The following MYO5B variants were observed in gnomAD, a reference collection of about 807,000 sequenced individuals.
MYO5B encodes unconventional myosin-Vb.
Under a neutral mutation model 229.3 loss-of-function variants are expected in MYO5B, and 143 were observed. The observed-to-expected ratio is 0.62, with a 90% CI of 0.54 to 0.72. The LOEUF (loss-of-function observed/expected upper bound fraction) is 0.72. MYO5B is among the 30% of genes least tolerant of loss of function. The probability of loss-of-function intolerance (pLI) is 0.00; values close to 1 mark genes in which losing one functional copy is unlikely to be tolerated. For missense variants in MYO5B, 2,321 were observed against 2,331.0 expected (o/e 1.00, Z 0.09); for synonymous variants, 918 against 885.2 (o/e 1.04, Z -0.66).
At chr18:49,875,936 T>C in intron 25 of MYO5B, 109 bp from the exon 26 acceptor site, 1 of 1,262,574 alleles carries the variant, frequency 7.9e-7, no homozygotes, top group Non-Finnish European at 1.1e-6. Flanking sequence ...TCCTCTCTCC[T>C]CCCAAACATC....
chr18:50,037,150 T>G (rs1212533304), intron 3 of MYO5B, among the ~76,000 whole-genome samples, 156 bp from the exon 4 acceptor site: 2 of 152,020 alleles, frequency 1.3e-5, no homozygotes, highest in East Asian at 3.9e-4. Context: ...TCAAGGCTCA[T>G]CTGTGTGCTT....
At chr18:50,162,853 T>TG (rs1599069447) in intron 1 of MYO5B, among the ~76,000 whole-genome samples, 1 of 152,202 alleles carries the variant, frequency 6.6e-6, no homozygotes, top group East Asian at 1.9e-4. Flanking sequence ...ACCTCACAGC[T>TG]GATGCCTCCC....
chr18:49,933,366 C>T (rs752852925), intron 16 of MYO5B, among the ~76,000 whole-genome samples: 2 of 152,220 alleles, frequency 1.3e-5, no homozygotes, highest in Non-Finnish European at 2.9e-5. Flanking sequence ...TGTGGCATTG[C>T]CAGTTACTTG....
chr18:50,040,059 G>A (rs1430493681), intron 3 of MYO5B, 84 bp downstream of exon 3: 3 of 1,403,112 alleles, frequency 2.1e-6, no homozygotes, highest in Non-Finnish European at 3.0e-6. Flanking sequence ...AGTGAAATGA[G>A]GACTCCTAAG....
intron 4 of MYO5B, among the ~76,000 whole-genome samples, chr18:50,004,839 A>C (rs2026084431): frequency 6.6e-6 from 1 of 152,136 alleles, no homozygotes; most frequent in Non-Finnish European, 1.5e-5. Flanking sequence ...AGCGTGCAGC[A>C]GCTCTCCCAC....
intron 3 of MYO5B, among the ~76,000 whole-genome samples, chr18:50,037,334 T>C (rs1445905478): frequency 6.6e-6 from 1 of 152,088 alleles, no homozygotes; most frequent in Non-Finnish European, 1.5e-5. Flanking sequence ...ATTCTACCAG[T>C]ATATATTAGA....
At chr18:50,037,970 C>T (rs1423664464) in intron 3 of MYO5B, among the ~76,000 whole-genome samples, 1 of 152,198 alleles carries the variant, frequency 6.6e-6, no homozygotes, top group Non-Finnish European at 1.5e-5. Context: ...TACACCACAT[C>T]TCAACTTTTT....
chr18:49,942,696 A>G (rs1453147018), intron 14 of MYO5B, among the ~76,000 whole-genome samples: 2 of 151,740 alleles, frequency 1.3e-5, no homozygotes, highest in Non-Finnish European at 3.0e-5. Flanking sequence ...AATGGCGATC[A>G]TTAAAAAGTC....
intron 1 of MYO5B, among the ~76,000 whole-genome samples, chr18:50,179,027 A>G (rs1011584177): frequency 3.9e-5 from 6 of 152,224 alleles, no homozygotes; most frequent in African/African-American, 1.4e-4. Flanking sequence ...AGAAGAGGAG[A>G]TAAAATCCAA....
chr18:50,107,883 C>T (rs1227537755), intron 1 of MYO5B, among the ~76,000 whole-genome samples: 1 of 152,096 alleles, frequency 6.6e-6, no homozygotes, highest in Non-Finnish European at 1.5e-5. Context: ...TCCCATGTGA[C>T]CCTCCCTCTA....
At chr18:50,024,006 A>G (rs1448154602) in intron 4 of MYO5B, among the ~76,000 whole-genome samples, 1 of 152,232 alleles carries the variant, frequency 6.6e-6, no homozygotes, top group Admixed American at 6.5e-5. Flanking sequence ...AAATATAAGG[A>G]AGTAAAATGG....
rs1204776464 is a variant in MYO5B, at chr18:49,822,958, T to A, written c.*3513A>T. 1 of 150,634 alleles carries A rather than the reference T, an allele frequency of 6.6e-6. No individual in the cohort carries two copies. The highest frequency in any genetic ancestry group is 1.5e-5 in the Non-Finnish European group (1 of 67,540). 9.3% of individuals were successfully genotyped at this position (150,634 alleles called of 1,614,324 possible). ...ATTTTCATCAGTAGTCTTTCTTCCA[T>A]GGTGTTGGATTCACCCCTGAATATG... On this transcript the variant is annotated 3_prime_UTR_variant, in exon 40 of 40. Transcript: ENST00000285039.
At chr18:49,906,720 C>T (rs1158442383) in intron 18 of MYO5B, 90 bp from the exon 19 acceptor site, 19 of 1,207,040 alleles carry the variant, frequency 1.6e-5, no homozygotes, top group Non-Finnish European at 2.2e-5. Context: ...CATGCAGAAT[C>T]CCCTGGCCAG....
intron 37 of MYO5B, 108 bp downstream of exon 37, chr18:49,837,409 A>G (rs569432394): frequency 1.5e-5 from 20 of 1,368,926 alleles, no homozygotes; most frequent in East Asian, 1.2e-4. Flanking sequence ...AGGACTGTCA[A>G]TTAGATTTGG....
chr18:49,826,217 A>T lies in MYO5B; in HGVS notation c.*254T>A, dbSNP rs2023842276. The T allele has an allele frequency of 2.1e-6, 1 of 471,658 alleles. No individual in the cohort carries two copies. The highest frequency in any genetic ancestry group is 3.9e-6 in the Non-Finnish European group (1 of 259,624). 29.2% of individuals were successfully genotyped at this position (471,658 alleles called of 1,614,324 possible). On this transcript the variant is annotated 3_prime_UTR_variant, in exon 40 of 40. Coordinates refer to ENST00000285039, the MANE Select transcript of MYO5B (RefSeq NM_001080467.3). ...CTATGGGGACTGCTTGGTGTCTATA[A>T]ATTATGTATATGTGTTGGACTGAAA...
intron 9 of MYO5B, among the ~76,000 whole-genome samples, chr18:49,978,059 A>G (rs757820083): frequency 3.3e-5 from 5 of 152,166 alleles, no homozygotes; most frequent in Non-Finnish European, 7.3e-5. Flanking sequence ...ACCAGCCTAG[A>G]CCACAAACCT....
At chr18:49,906,665 C>G (rs765689099) in intron 18 of MYO5B, 35 bp from the exon 19 acceptor site, 1 of 1,568,284 alleles carries the variant, frequency 6.4e-7, no homozygotes, top group Non-Finnish European at 8.8e-7. Flanking sequence ...GGTTGGTCAC[C>G]AGTGAGCAGA....
At chr18:49,883,649 T>C (rs924686664) in intron 22 of MYO5B, among the ~76,000 whole-genome samples, 9 of 152,168 alleles carry the variant, frequency 5.9e-5, no homozygotes, top group African/African-American at 2.2e-4. Context: ...ATATATAATA[T>C]CTAGGGATCC....
intron 1 of MYO5B, among the ~76,000 whole-genome samples, chr18:50,095,217 T>C (rs2031527266): frequency 6.6e-6 from 1 of 152,214 alleles, no homozygotes; most frequent in Non-Finnish European, 1.5e-5. Flanking sequence ...GAAAAATGTG[T>C]TTCCACTGAA....
Sources: gnomAD v4.1 joint callset for allele counts (sites outside exome capture counted in the v4.1 genomes callset) on GRCh38, gnomAD v4.1.1 for gene constraint, MANE v1.5 for transcripts, NCBI Gene and HGNC (gene_info 2026-07-23, HGNC 2026-07-21) for gene names.